The following MOV10L1 variants were observed in gnomAD, a reference collection of about 807,000 sequenced individuals.
MOV10L1 encodes the protein Mov10 like RNA helicase 1, also known as RNA helicase Mov10l1.
A neutral mutation model predicts 143.8 loss-of-function variants in MOV10L1; 110 were observed. That is an observed-to-expected ratio of 0.76 (90% CI 0.66 to 0.90). The LOEUF (loss-of-function observed/expected upper bound fraction) is 0.90. Among genes scored for constraint, MOV10L1 ranks in the 40% least tolerant of loss-of-function variants. The probability of loss-of-function intolerance (pLI) is 0.00; values close to 1 mark genes in which losing one functional copy is unlikely to be tolerated. For synonymous variants in MOV10L1, 593 were observed against 581.1 expected, an observed-to-expected ratio of 1.02 and a Z score of -0.29; for missense variants, 1,406 against 1,526.8, an observed-to-expected ratio of 0.92 and a Z score of 1.32.
rs3747939 is a variant in MOV10L1, at chr22:50,159,707, T to C, written c.3246T>C (p.Asn1082=). 2,715 of 1,612,872 alleles carry C rather than the reference T, an allele frequency of 1.7e-3. 67 individuals carry two copies. In the East Asian group the frequency reaches 0.04, roughly 24 times the overall value. ...QVEKIRILLR[N]VDLMDIKVGS... ...AGAAAATCAGAATTCTTTTGCGTAA[T>C]GTTGATCTGATGGATATAAAGGTTG... The change falls in exon 24 of 27, where the codon AAT becomes AAC. Residue 1082 remains asparagine (N), a synonymous_variant. Transcript: ENST00000262794. The surrounding 1 kb of genome is among the most constrained non-coding windows in gnomAD (Gnocchi z 4.1).
In MOV10L1 at chr22:50,161,620, G is replaced by A. The variant is rs929801728; in HGVS notation, c.*171G>A. 6 of 621,708 alleles carry A rather than the reference G, an allele frequency of 9.7e-6. No individual in the cohort carries two copies. Among genetic ancestry groups the A allele is most frequent in the African/African-American group, 1.9e-5 (1 of 53,734 alleles). 38.5% of individuals were successfully genotyped at this position (621,708 alleles called of 1,614,324 possible). On this transcript the variant is annotated 3_prime_UTR_variant, in exon 27 of 27. Transcript: ENST00000262794. ...TGCTGCTGCCCTGACTTTGGCATAT[G>A]CCAGCCTGTTCCTGCCACAGGGCAG...
intron 13 of MOV10L1, among the ~76,000 whole-genome samples, chr22:50,131,492 T>G (rs1201688404): frequency 6.6e-6 from 1 of 152,220 alleles, no homozygotes; most frequent in Non-Finnish European, 1.5e-5. Flanking sequence ...GATCTTTTAA[T>G]GATGCATCTC....
intron 9 of MOV10L1, 35 bp from the exon 10 acceptor site, chr22:50,120,467 G>A (rs779641760): frequency 9.9e-5 from 135 of 1,367,586 alleles, no homozygotes; most frequent in Non-Finnish European, 1.4e-4. Context: ...TGGTGATAAA[G>A]ACTTATTTTT....
rs147318007 is a variant in MOV10L1, at chr22:50,110,723, G to A, written c.743+1879G>A. ...AGGCGGGCGGATTGCCTGAGCTCAG[G>A]AGTTCGAGAACAGCCTGGGCAACAC... On this transcript the variant is annotated intron_variant, in intron 5 of 26. Transcript: ENST00000262794. Among the ~76,000 whole-genome samples the A allele has an allele frequency of 5.5e-3, 844 of 152,090 alleles. 10 individuals carry two copies. The highest frequency in any genetic ancestry group is 0.019 in the African/African-American group (788 of 41,488).
intron 3 of MOV10L1, among the ~76,000 whole-genome samples, chr22:50,100,155 C>A (rs2062701995): frequency 6.6e-6 from 1 of 151,856 alleles, no homozygotes; most frequent in Non-Finnish European, 1.5e-5. Flanking sequence ...CCATGCCCAG[C>A]TAATTTTTTG....
intron 18 of MOV10L1, among the ~76,000 whole-genome samples, chr22:50,144,722 C>T (rs2063095070): frequency 6.6e-6 from 1 of 151,558 alleles, no homozygotes; most frequent in Non-Finnish European, 1.5e-5. Flanking sequence ...GCTGGGACTA[C>T]AGGCACCCGC....
chr22:50,101,800 C>CT (rs138210), intron 3 of MOV10L1, among the ~76,000 whole-genome samples: 35,817 of 152,110 alleles, frequency 0.24, 5,158 homozygotes, highest in Non-Finnish European at 0.33. Flanking sequence ...GCATGAACCA[C>CT]TGTGCCCAGC....
At chr22:50,136,081 A>T (rs1170854110) in intron 15 of MOV10L1, among the ~76,000 whole-genome samples, 1 of 152,254 alleles carries the variant, frequency 6.6e-6, no homozygotes, top group Non-Finnish European at 1.5e-5. Flanking sequence ...ATGCCTATAC[A>T]ATCATGGAAA....
chr22:50,144,222 C>T lies in MOV10L1; in HGVS notation c.2484C>T (p.Asn828=), dbSNP rs767291292. The change falls in exon 18 of 27, where the codon AAC becomes AAT. Residue 828 remains asparagine (N), a synonymous_variant. Coordinates refer to ENST00000262794, the MANE Select transcript of MOV10L1 (RefSeq NM_018995.3). The stretch of plus-strand genomic sequence containing the variant: ...AGCCGGCCACCATGGTCCGGGTGAA[C>T]GCCACCTGCAGGTTCGAGGAGGTGA... The part of the protein sequence containing the change: ...VLQPATMVRV[N]ATCRFEEIVI... 23 of 1,607,536 alleles carry T rather than the reference C, an allele frequency of 1.4e-5. No individual in the cohort carries two copies. The highest frequency in any genetic ancestry group is 1.6e-4 in the Middle Eastern group (1 of 6,062).
chr22:50,129,637 C>T (rs1454688357), intron 13 of MOV10L1, among the ~76,000 whole-genome samples: 1 of 152,166 alleles, frequency 6.6e-6, no homozygotes, highest in Non-Finnish European at 1.5e-5. Context: ...CAAGTGGTTG[C>T]ATCAGTGACT....
intron 13 of MOV10L1, among the ~76,000 whole-genome samples, chr22:50,131,586 A>T (rs1237086475): frequency 6.6e-6 from 1 of 152,074 alleles, no homozygotes; most frequent in Non-Finnish European, 1.5e-5. Flanking sequence ...TAGGATTATG[A>T]TCTATCTCAT....
chr22:50,133,723 T>C (rs2062742760), intron 13 of MOV10L1, among the ~76,000 whole-genome samples: 2 of 152,068 alleles, frequency 1.3e-5, no homozygotes, highest in Admixed American at 6.6e-5. Context: ...TTTGTATTTT[T>C]AGTAGAGGCA....
At chr22:50,161,250 C>T in intron 26 of MOV10L1, 118 bp from the exon 27 acceptor site, 4 of 1,028,354 alleles carry the variant, frequency 3.9e-6, no homozygotes, top group Non-Finnish European at 5.7e-6. Flanking sequence ...ACCTTTCCCA[C>T]ATAGGCTAAC....
chr22:50,150,706 A>G, intron 20 of MOV10L1, 29 bp from the exon 21 acceptor site: 16 of 1,608,386 alleles, frequency 9.9e-6, no homozygotes, highest in Non-Finnish European at 1.3e-5. Context: ...CCCTCCCTGC[A>G]TGAGCTGAGA....
chr22:50,113,019 C>G (rs1361133006), intron 5 of MOV10L1, among the ~76,000 whole-genome samples: 2 of 152,154 alleles, frequency 1.3e-5, no homozygotes, highest in Non-Finnish European at 2.9e-5. Context: ...CTAGAGACCC[C>G]ATTTTTTTAA....
intron 19 of MOV10L1, chr22:50,147,205 C>T (rs1397068384): frequency 8.0e-7 from 1 of 1,254,948 alleles, no homozygotes; most frequent in Non-Finnish European, 1.1e-6. Context: ...GCACTCTGTG[C>T]AGAAGCAGGG....
Position 50,145,650 on chromosome 22 carries a change from T to C in MOV10L1, c.2506-39T>C, listed in dbSNP as rs531649557. On this transcript the variant is annotated intron_variant, in intron 18 of 26. Transcript: ENST00000262794. ...TCCCTTTTGGAATTCTGCTTAATAA[T>C]TGGAGGAGTAAACTAACTCTACGCC... The C allele has an allele frequency of 1.9e-6, 3 of 1,607,858 alleles. No individual in the cohort carries two copies. In the African/African-American group the frequency reaches 4.0e-5, roughly 21 times the overall value.
chr22:50,134,191 G>C, intron 14 of MOV10L1, 126 bp downstream of exon 14: 1 of 705,406 alleles, frequency 1.4e-6, no homozygotes, highest in Non-Finnish European at 2.2e-6. Context: ...TTATATTCAT[G>C]TTTTTAATTT....
At chr22:50,139,544 T>C (rs1234090482) in intron 15 of MOV10L1, among the ~76,000 whole-genome samples, 1 of 146,894 alleles carries the variant, frequency 6.8e-6, no homozygotes, top group Non-Finnish European at 1.5e-5. Context: ...AAACTCTGTC[T>C]CAAAAAAAAA....
Sources: allele counts gnomAD v4.1 joint callset (sites outside exome capture counted in the v4.1 genomes callset), GRCh38; gene constraint gnomAD v4.1.1; non-coding constraint Gnocchi (gnomAD v3.1); transcripts MANE v1.5; gene names NCBI Gene and HGNC (gene_info 2026-07-23, HGNC 2026-07-21).